The following CYSLTR2 variants were observed in gnomAD, a reference collection of about 807,000 sequenced individuals.
CYSLTR2 encodes the protein cysteinyl leukotriene receptor 2.
For synonymous variants in CYSLTR2, 179 were observed against 160.8 expected (o/e 1.11, Z -0.86); for missense variants, 398 against 411.9 (o/e 0.97, Z 0.29).
At chr13:48,662,448 G>A (rs187668923) in intron 1 of CYSLTR2, among the ~76,000 whole-genome samples, 1 of 152,204 alleles carries the variant, frequency 6.6e-6, no homozygotes, top group Admixed American at 6.5e-5. Flanking sequence ...TCTCCATGGT[G>A]GCTATACTAC....
intron 3 of CYSLTR2, among the ~76,000 whole-genome samples, chr13:48,694,031 CT>C (rs1489963425): frequency 6.6e-6 from 1 of 152,164 alleles, no homozygotes; most frequent in Non-Finnish European, 1.5e-5. Context: ...GGTATCTGGC[CT>C]GGAAGAAGTG....
At chr13:48,663,192 A>G (rs1311045014) in intron 1 of CYSLTR2, among the ~76,000 whole-genome samples, 2 of 152,008 alleles carry the variant, frequency 1.3e-5, no homozygotes, top group African/African-American at 4.8e-5. Context: ...ATTCTGTTCC[A>G]TTGGCCTATG....
intron 4 of CYSLTR2, among the ~76,000 whole-genome samples, chr13:48,698,380 G>A (rs1399913852): frequency 2.0e-5 from 3 of 152,160 alleles, no homozygotes; most frequent in African/African-American, 4.8e-5. Context: ...CATTCTTAAA[G>A]AAAAGAATTT....
chr13:48,675,840 T>C (rs755505747), intron 1 of CYSLTR2, among the ~76,000 whole-genome samples: 15 of 152,184 alleles, frequency 9.9e-5, no homozygotes, highest in Non-Finnish European at 2.1e-4. Flanking sequence ...GCATAGTATC[T>C]GGGCCAAATA....
intron 1 of CYSLTR2, among the ~76,000 whole-genome samples, chr13:48,673,120 T>C (rs1953487652): frequency 1.3e-5 from 2 of 152,184 alleles, no homozygotes; most frequent in African/African-American, 4.8e-5. Context: ...GTCTATTAGG[T>C]CCACTTGGTC....
At chr13:48,702,145 C>T (rs1245370065) in intron 4 of CYSLTR2, among the ~76,000 whole-genome samples, 1 of 151,552 alleles carries the variant, frequency 6.6e-6, no homozygotes, top group Non-Finnish European at 1.5e-5. Context: ...TCATTCTGAG[C>T]AAACTATCGC....
chr13:48,676,875 T>C (rs1377399563), intron 1 of CYSLTR2, among the ~76,000 whole-genome samples: 1 of 152,206 alleles, frequency 6.6e-6, no homozygotes, highest in African/African-American at 2.4e-5. Flanking sequence ...ATGAGATATC[T>C]GAAAAGAAAA....
chr13:48,661,353 T>C (rs1314992548), intron 1 of CYSLTR2, among the ~76,000 whole-genome samples: 1 of 151,956 alleles, frequency 6.6e-6, no homozygotes, highest in Admixed American at 6.5e-5. Flanking sequence ...ATTTAAATCC[T>C]GAGGTTGCTG....
chr13:48,698,407 T>C (rs1259697484), intron 4 of CYSLTR2, among the ~76,000 whole-genome samples: 1 of 152,190 alleles, frequency 6.6e-6, no homozygotes, highest in African/African-American at 2.4e-5. Context: ...CAGAATTTCA[T>C]ATCCAGCCAA....
Position 48,669,264 on chromosome 13 carries a change from A to G in CYSLTR2, c.-266+15247A>G, listed in dbSNP as rs530725966. On this transcript the variant is annotated intron_variant, in intron 1 of 4. Transcript: ENST00000682523. ...ATTCCTATTTCTCCACATCCTCTCC[A>G]GCATCTGTTGTTTCCTGACTTTTTT... Among the ~76,000 whole-genome samples, 23 of 151,682 alleles carry G rather than the reference A, an allele frequency of 1.5e-4. No individual in the cohort carries two copies. In the South Asian group the frequency reaches 2.1e-3, roughly 14 times the overall value.
In CYSLTR2 at chr13:48,708,803, A is replaced by G. The variant is rs1038483864; in HGVS notation, c.*945A>G. ...GTTGCACTCCTGAAATTCTATTAAC[A>G]TTTCCGCAGAAGATGAGTAGGGAGA... On this transcript the variant is annotated 3_prime_UTR_variant, in exon 5 of 5. Coordinates refer to ENST00000682523, the MANE Select transcript of CYSLTR2 (RefSeq NM_001308476.3). The G allele has an allele frequency of 4.8e-5, 8 of 167,066 alleles. No homozygotes were observed. The highest frequency in any genetic ancestry group is 1.9e-4 in the African/African-American group (8 of 41,428). The allele number at this position is 167,066 out of a possible 1,614,324, so 10.3% of individuals were successfully genotyped here. A position where few individuals can be genotyped will look rare whatever the true frequency, so the allele number is the denominator to read the frequency against.
At position 48,706,915 on chromosome 13, in the gene CYSLTR2, T is replaced by C. The variant is rs1284312462; in HGVS notation, c.98T>C (p.Ile33Thr). 4 of 1,614,086 alleles carry C rather than the reference T, an allele frequency of 2.5e-6. No individual in the cohort carries two copies. The highest frequency in any genetic ancestry group is 3.4e-6 in the Non-Finnish European group (4 of 1,180,030). ...FSNNNSRNCT[I>T]ENFKREFFPI... ...AATAACAACAGCAGGAACTGCACAA[T>C]TGAAAACTTCAAGAGAGAATTTTTC... The change falls in exon 5 of 5, where the codon ATT (isoleucine) becomes ACT (threonine). Residue 33 changes from isoleucine (I) to threonine (T), a missense_variant. Coordinates refer to ENST00000682523, the MANE Select transcript of CYSLTR2 (RefSeq NM_001308476.3).
chr13:48,683,929 A>T (rs1342700430), intron 1 of CYSLTR2, among the ~76,000 whole-genome samples: 1 of 152,066 alleles, frequency 6.6e-6, no homozygotes, highest in Admixed American at 6.6e-5. Flanking sequence ...TTTTTAAAAA[A>T]ATTATTTTAC....
At chr13:48,678,410 C>T (rs981759830) in intron 1 of CYSLTR2, among the ~76,000 whole-genome samples, 1 of 152,224 alleles carries the variant, frequency 6.6e-6, no homozygotes, top group Admixed American at 6.5e-5. Context: ...CTCCTTGTAT[C>T]ATTTGGCCAG....
At chr13:48,680,800 CTT>C (rs139896583) in intron 1 of CYSLTR2, among the ~76,000 whole-genome samples, 273 of 55,014 alleles carry the variant, frequency 5.0e-3, no homozygotes, top group African/African-American at 0.015. Flanking sequence ...CTTTTCTTTT[CTT>C]TTTTTTTTTT....
chr13:48,685,260 ACACTCACGAGAACT>A (rs71076040), intron 1 of CYSLTR2, among the ~76,000 whole-genome samples: 55,905 of 151,420 alleles, frequency 0.37, 11,479 homozygotes, highest in South Asian at 0.49. Flanking sequence ...ACACTTTTAA[ACACTCACGAGAACT>A]CACTCACGAG....
At chr13:48,676,290 G>A (rs1015181658) in intron 1 of CYSLTR2, among the ~76,000 whole-genome samples, 3 of 152,180 alleles carry the variant, frequency 2.0e-5, no homozygotes, top group Non-Finnish European at 2.9e-5. Flanking sequence ...ATACAGATAC[G>A]ATTGGGACCA....
chr13:48,673,855 C>T (rs547359535), intron 1 of CYSLTR2, among the ~76,000 whole-genome samples: 3 of 152,166 alleles, frequency 2.0e-5, no homozygotes, highest in East Asian at 3.9e-4. Flanking sequence ...TGTCTGTAAA[C>T]GATTTTATTT....
At chr13:48,681,194 CT>C (rs1418225900) in intron 1 of CYSLTR2, among the ~76,000 whole-genome samples, 1 of 152,096 alleles carries the variant, frequency 6.6e-6, no homozygotes, top group Non-Finnish European at 1.5e-5. Flanking sequence ...CAACCCCAAC[CT>C]CAAGCAGAGG....
Sources: gnomAD v4.1 joint callset for allele counts (sites outside exome capture counted in the v4.1 genomes callset) on GRCh38, gnomAD v4.1.1 for gene constraint, MANE v1.5 for transcripts, NCBI Gene and HGNC (gene_info 2026-07-23, HGNC 2026-07-21) for gene names.